The following EOGT variants were observed in gnomAD, a reference collection of about 807,000 sequenced individuals.
The protein encoded by EOGT is EGF domain-specific O-linked N-acetylglucosamine transferase.
In EOGT, 55 loss-of-function variants were observed where a neutral mutation model predicts 70.5. That is an observed-to-expected ratio of 0.78 (90% CI 0.63 to 0.98). The LOEUF (loss-of-function observed/expected upper bound fraction) is 0.98, where lower values mean the gene tolerates loss of function less well. EOGT is among the 50% of genes least tolerant of loss of function. The pLI, the probability that EOGT is intolerant of heterozygous loss-of-function variation, is 0.00. For missense variants in EOGT, 703 were observed against 641.9 expected (o/e 1.10, Z -1.03); for synonymous variants, 246 against 217.1 (o/e 1.13, Z -1.17).
chr3:68,989,047 G>A, intron 10 of EOGT, 30 bp from the exon 11 acceptor site: 2 of 1,283,956 alleles, frequency 1.6e-6, no homozygotes, highest in Non-Finnish European at 2.1e-6. Flanking sequence ...AAGGTTTTAG[G>A]GCAATAAAAG....
At chr3:68,994,915 G>C (rs374815654) in intron 10 of EOGT, among the ~76,000 whole-genome samples, 2 of 152,204 alleles carry the variant, frequency 1.3e-5, no homozygotes, top group Admixed American at 6.5e-5. Context: ...GCTGTGCCCA[G>C]AGAGGCATCT....
chr3:68,989,748 CAAAAAAAAA>C (rs56000169), intron 10 of EOGT, among the ~76,000 whole-genome samples: 2 of 93,232 alleles, frequency 2.1e-5, no homozygotes. Flanking sequence ...AACTCCATCT[CAAAAAAAAA>C]AAAAAAAAAA....
chr3:68,987,781 C>T, intron 13 of EOGT: 1 of 498,860 alleles, frequency 2.0e-6, no homozygotes, highest in Non-Finnish European at 3.5e-6. Flanking sequence ...GTTACATGAA[C>T]ATTTGGGGAG....
rs2090447147 is a variant in EOGT at position 68,975,315 on chromosome 3, A to G, written c.*2303T>C. On this transcript the variant is annotated 3_prime_UTR_variant, in exon 18 of 18. Transcript: ENST00000383701. ...TGTTAAAGACTTAATAAAAAGAGCA[A>G]TCTTTACATTTTACAATTTGAAGAC... 1 of 152,646 alleles carries G rather than the reference A, an allele frequency of 6.6e-6. No individual in the cohort carries two copies. Among genetic ancestry groups the G allele is most frequent in the African/African-American group, 2.4e-5 (1 of 41,442 alleles). 9.5% of individuals were successfully genotyped at this position (152,646 alleles called of 1,614,324 possible).
In EOGT at chr3:68,989,064, A is replaced by G. The variant is rs768590929; in HGVS notation, c.832-47T>C. On this transcript the variant is annotated intron_variant, in intron 10 of 17. Transcript: ENST00000383701. ...GGTTTTAGGGCAATAAAAGGATATA[A>G]CATGACTTTTCAAAGATGCAACAAA... is the stretch of plus-strand genomic sequence containing the variant. 15 of 1,144,310 alleles carry G rather than the reference A, an allele frequency of 1.3e-5. No individual in the cohort carries two copies. The African/African-American group carries it at 2.2e-4, about 17-fold the overall frequency. The allele number at this position is 1,144,310 out of a possible 1,614,324, so 70.9% of individuals were successfully genotyped here.
At chr3:69,011,405 TG>T (rs1279037396) in intron 3 of EOGT, among the ~76,000 whole-genome samples, 28 of 151,520 alleles carry the variant, frequency 1.8e-4, no homozygotes, top group African/African-American at 6.8e-4. Context: ...ACTGGCAGAT[TG>T]CTTGAGTCCC....
intron 3 of EOGT, among the ~76,000 whole-genome samples, chr3:69,011,594 T>TTAA (rs1575791125): frequency 3.3e-5 from 1 of 30,522 alleles, no homozygotes; most frequent in Admixed American, 4.1e-4. Context: ...AGACTCTGTC[T>TTAA]CAAAAAAAAA....
chr3:68,979,017 T>C (rs2090555428), intron 16 of EOGT, among the ~76,000 whole-genome samples: 5 of 152,196 alleles, frequency 3.3e-5, no homozygotes, highest in Admixed American at 2.6e-4. Flanking sequence ...AATAGCCTCC[T>C]ATTTAAATAC....
intron 7 of EOGT, 39 bp from the exon 8 acceptor site, chr3:69,004,521 G>A (rs758393139): frequency 5.6e-5 from 81 of 1,445,532 alleles, no homozygotes; most frequent in Non-Finnish European, 7.3e-5. Flanking sequence ...TTCAGAAAAC[G>A]TCTTCATGAC....
chr3:68,979,613 A>T, intron 16 of EOGT, 55 bp downstream of exon 16: 1 of 1,469,612 alleles, frequency 6.8e-7, no homozygotes. Context: ...AAGCTTTAGC[A>T]TGCATAAAAA....
At position 69,001,528 on chromosome 3, in the gene EOGT, CAG is replaced by C. The variant is rs1225503020; in HGVS notation, c.727+78_727+79del. On this transcript the variant is annotated intron_variant, in intron 9 of 17. Coordinates refer to ENST00000383701, the MANE Select transcript of EOGT (RefSeq NM_001278689.2). ...TTTGTCATACTGCTTCCAAAAAATT[CAG>C]AGAGAATTACTACATCCAAAAAAAG... The C allele has an allele frequency of 6.8e-5, 63 of 932,764 alleles. 1 individual carries two copies. Among genetic ancestry groups the C allele is most frequent in the South Asian group, 4.3e-4 (26 of 59,918 alleles). 57.8% of individuals were successfully genotyped at this position (932,764 alleles called of 1,614,324 possible).
At position 69,004,524 on chromosome 3, in the gene EOGT, T is replaced by C. The variant is rs747336367; in HGVS notation, c.516-42A>G. On this transcript the variant is annotated intron_variant, in intron 7 of 17. Coordinates refer to ENST00000383701, the MANE Select transcript of EOGT (RefSeq NM_001278689.2). Reference sequence around the variant, plus strand: ...CATTAAGTTAAGTTCAGAAAACGTCTTCATGACCCAAGCACGTGGGTTGTA... The same window carrying C: ...CATTAAGTTAAGTTCAGAAAACGTCCTCATGACCCAAGCACGTGGGTTGTA... 3.5e-6 allele frequency: 5 copies of C among 1,414,754 alleles called. No individual in the cohort carries two copies. In the South Asian group the frequency reaches 4.6e-5, roughly 13 times the overall value. 87.6% of individuals were successfully genotyped at this position (1,414,754 alleles called of 1,614,324 possible).
intron 8 of EOGT, 23 bp from the exon 9 acceptor site, chr3:69,001,737 G>T: frequency 1.3e-6 from 2 of 1,494,042 alleles, no homozygotes; most frequent in Non-Finnish European, 1.9e-6. Flanking sequence ...ATTGGGACAT[G>T]ACTTCAAACT....
chr3:68,996,759 CT>C (rs2091159786), intron 10 of EOGT, among the ~76,000 whole-genome samples: 1 of 152,198 alleles, frequency 6.6e-6, no homozygotes, highest in South Asian at 2.1e-4. Context: ...CAATGTCATC[CT>C]GAATAGACTC....
rs59031155 is a variant in EOGT, at chr3:68,976,682, T to C, written c.*936A>G. On this transcript the variant is annotated 3_prime_UTR_variant, in exon 18 of 18. Coordinates refer to ENST00000383701, the MANE Select transcript of EOGT (RefSeq NM_001278689.2). ...TGTGTGTGTGTGTGTATGTTTTGCA[T>C]GTTTTCCTTTCCTACCACAAACAGT... 0.029 allele frequency: 2,608 copies of C among 88,626 alleles called. 74 individuals are homozygous for C. Among genetic ancestry groups the C allele is most frequent in the African/African-American group, 0.11 (2,468 of 23,016 alleles). The allele number at this position is 88,626 out of a possible 1,614,324, so 5.5% of individuals were successfully genotyped here.
At chr3:68,997,648 C>T (rs908246868) in intron 10 of EOGT, among the ~76,000 whole-genome samples, 10 of 152,242 alleles carry the variant, frequency 6.6e-5, no homozygotes, top group East Asian at 5.8e-4. Context: ...TGATTATAGG[C>T]GTGAGCCACC....
chr3:69,011,608 A>AAAC (rs1434500795), intron 3 of EOGT, among the ~76,000 whole-genome samples: 2 of 145,560 alleles, frequency 1.4e-5, no homozygotes, highest in Admixed American at 6.8e-5. Context: ...AAAAAAAAAA[A>AAAC]AACAAAGAAA....
At chr3:69,011,376 A>G (rs2091571253) in intron 3 of EOGT, among the ~76,000 whole-genome samples, 1 of 151,646 alleles carries the variant, frequency 6.6e-6, no homozygotes, top group Admixed American at 6.6e-5. Flanking sequence ...CTGTAATAGT[A>G]GCACTTTGGG....
chr3:68,998,231 A>G (rs942072528), intron 9 of EOGT, 117 bp from the exon 10 acceptor site: 7 of 638,324 alleles, frequency 1.1e-5, no homozygotes, highest in Non-Finnish European at 1.9e-5. Flanking sequence ...TAAATGGGGA[A>G]AAAAATAACT....
Sources: allele counts gnomAD v4.1 joint callset (sites outside exome capture counted in the v4.1 genomes callset), GRCh38; gene constraint gnomAD v4.1.1; transcripts MANE v1.5; gene names NCBI Gene and HGNC (gene_info 2026-07-23, HGNC 2026-07-21).